RNF213: variants seen among roughly 807,000 people sequenced by gnomAD.
RNF213 encodes E3 ubiquitin-protein ligase RNF213.
A neutral mutation model predicts 514.4 loss-of-function variants in RNF213; 341 were observed. The observed-to-expected ratio is 0.66, with a 90% confidence interval of 0.61 to 0.73. The LOEUF (loss-of-function observed/expected upper bound fraction) is 0.73. Among genes scored for constraint, RNF213 ranks in the 30% least tolerant of loss-of-function variants. The pLI is 0.00. For synonymous variants in RNF213, 2,655 were observed against 2,658.2 expected, an observed-to-expected ratio of 1.00 and a Z score of 0.04; for missense variants, 5,767 against 6,615.6, an observed-to-expected ratio of 0.87 and a Z score of 4.45.
intron 42 of RNF213, among the ~76,000 whole-genome samples, chr17:80,365,699 C>T (rs1435506061): frequency 2.6e-5 from 4 of 152,126 alleles, no homozygotes; most frequent in African/African-American, 4.8e-5. Flanking sequence ...AAGGAAAAGG[C>T]GGAGAGAGGA....
At chr17:80,371,818 AG>A in intron 46 of RNF213, 55 bp from the exon 47 acceptor site, 1 of 881,442 alleles carries the variant, frequency 1.1e-6, no homozygotes, top group Non-Finnish European at 1.9e-6. Context: ...TCTTTTTTTT[AG>A]TAAGGTATGT....
Position 80,351,628 on chromosome 17 carries a change from G to A in RNF213, c.10185-57G>A, listed in dbSNP as rs2078519162. The A allele has an allele frequency of 1.4e-5, 14 of 965,802 alleles. No individual in the cohort carries two copies. The South Asian group carries it at 1.8e-4, about 12-fold the overall frequency. The allele number at this position is 965,802 out of a possible 1,614,324, so 59.8% of individuals were successfully genotyped here. Reference sequence around the variant, plus strand: ...ACAGCTTTGCTTTGTTTATTTGCTTGTTTTTGTGTGTGTGTTTGTTTTTAA... The same window carrying A: ...ACAGCTTTGCTTTGTTTATTTGCTTATTTTTGTGTGTGTGTTTGTTTTTAA... On this transcript the variant is annotated intron_variant, in intron 31 of 67. Transcript: ENST00000582970.
chr17:80,264,648 C>G lies in RNF213; in HGVS notation c.97+870C>G, dbSNP rs1323439957. Among the ~76,000 whole-genome samples, 2 of 152,140 alleles carry G rather than the reference C, an allele frequency of 1.3e-5. No homozygotes were observed. The highest frequency in any genetic ancestry group is 2.9e-5 in the Non-Finnish European group (2 of 68,042). ...CCTCCATGACCCACATGCAGAGGGCCCTGCTGGTCTCCCCGCCTCCACGCT... is the reference window on the plus strand; with the variant it reads ...CCTCCATGACCCACATGCAGAGGGCGCTGCTGGTCTCCCCGCCTCCACGCT... On this transcript the variant is annotated intron_variant, in intron 2 of 67. Transcript: ENST00000582970. The surrounding 1 kb of genome is among the most constrained non-coding windows in gnomAD (Gnocchi z 5.0).
chr17:80,290,645 C>T lies in RNF213; in HGVS notation c.1188C>T (p.Asp396=), dbSNP rs755851533. 53 of 1,614,166 alleles carry T rather than the reference C, an allele frequency of 3.3e-5. No homozygotes were observed. Among genetic ancestry groups the T allele is most frequent in the Non-Finnish European group, 4.2e-5 (50 of 1,180,032 alleles). The change falls in exon 7 of 68, where the codon GAC becomes GAT. Residue 396 remains aspartate, a synonymous_variant. Transcript: ENST00000582970. ...IISLHFPFNP[D]LHKVFIRGGE... is the part of the protein sequence containing the mutation. Reference sequence around the variant, plus strand: ...CTCTTCATTTCCCATTCAATCCTGACCTCCATAAAGTCTTCATCAGAGGAG... The same window carrying T: ...CTCTTCATTTCCCATTCAATCCTGATCTCCATAAAGTCTTCATCAGAGGAG...
rs2046244405 is a variant in RNF213, at chr17:80,325,100, TGATCACTAA to T, written c.3097_3105del (p.Ile1033_Lys1035del). 2.6e-6 allele frequency: 4 copies of T among 1,537,132 alleles called. No homozygotes were observed. The highest frequency in any genetic ancestry group is 2.6e-6 in the Non-Finnish European group (3 of 1,146,920). ...AAATTTGGCATCGTCTTGTCTGCTGTGATCACTAAGTCCTGGCCTAGGACCGCGGACAAC... is the reference window on the plus strand; with the variant it reads ...AAATTTGGCATCGTCTTGTCTGCTGTGTCCTGGCCTAGGACCGCGGACAAC... On this transcript the variant is annotated inframe_deletion, in exon 18 of 68. Coordinates refer to ENST00000582970, the MANE Select transcript of RNF213 (RefSeq NM_001256071.3).
At chr17:80,315,572 A>C (rs1290049506) in intron 15 of RNF213, 1 of 1,038 alleles carries the variant, frequency 9.6e-4, no homozygotes, top group Non-Finnish European at 1.8e-3. Flanking sequence ...TGGTGGAGGT[A>C]ATGGAGGTGA....
intron 3 of RNF213, among the ~76,000 whole-genome samples, chr17:80,276,588 G>A (rs941462422): frequency 2.7e-5 from 4 of 149,154 alleles, no homozygotes; most frequent in African/African-American, 9.9e-5. Context: ...CTCACTGGGT[G>A]ACTGTGAGAT....
At chr17:80,350,527 G>A (rs1329260716) in intron 31 of RNF213, 131 bp downstream of exon 31, 10 of 681,886 alleles carry the variant, frequency 1.5e-5, no homozygotes, top group East Asian at 5.4e-5. Context: ...TTCTTCCCCC[G>A]CCTCATTCCC....
At chr17:80,262,032 T>C (rs946936303) in intron 1 of RNF213, among the ~76,000 whole-genome samples, 1 of 152,018 alleles carries the variant, frequency 6.6e-6, no homozygotes, top group African/African-American at 2.4e-5. Context: ...TTTTGGAGGA[T>C]TTTTCGAGTT....
At chr17:80,316,984 G>T (rs1196370195) in intron 15 of RNF213, among the ~76,000 whole-genome samples, 2 of 152,246 alleles carry the variant, frequency 1.3e-5, no homozygotes, top group Non-Finnish European at 2.9e-5. Flanking sequence ...CCCTGGTTGG[G>T]TCTCTGATTC....
In RNF213 at chr17:80,331,962, T is replaced by C. The variant is rs1379099225; in HGVS notation, c.3518-44T>C. On this transcript the variant is annotated intron_variant, in intron 20 of 67. Coordinates refer to ENST00000582970, the MANE Select transcript of RNF213 (RefSeq NM_001256071.3). The stretch of plus-strand genomic sequence containing the variant: ...AGGAAAGTGAAATAAAATGGAATCA[T>C]GATTAGAGCTTTGACTTCTGACACT... 2.6e-6 allele frequency: 4 copies of C among 1,513,000 alleles called. No homozygotes were observed. The South Asian group carries it at 3.7e-5, about 14-fold the overall frequency. 93.7% of individuals were successfully genotyped at this position (1,513,000 alleles called of 1,614,324 possible). A position where few individuals can be genotyped will look rare whatever the true frequency, so the allele number is the denominator to read the frequency against.
intron 20 of RNF213, among the ~76,000 whole-genome samples, chr17:80,331,276 A>G (rs1238590648): frequency 6.6e-6 from 1 of 151,972 alleles, no homozygotes; most frequent in Non-Finnish European, 1.5e-5. Flanking sequence ...CTAGGACTCC[A>G]TGTTACCAGG....
Position 80,351,775 on chromosome 17 carries a change from A to G in RNF213, c.10275A>G (p.Arg3425=), listed in dbSNP as rs1599091091. The G allele has an allele frequency of 6.2e-7, 1 of 1,606,274 alleles. No individual in the cohort carries two copies. The highest frequency in any genetic ancestry group is 2.2e-5 in the East Asian group (1 of 44,850). Residue 3425 remains arginine, a synonymous_variant, in exon 32 of 68, where the codon AGA becomes AGG. Coordinates refer to ENST00000582970, the MANE Select transcript of RNF213 (RefSeq NM_001256071.3). ...YFITKLSRVG[R]GTAYVGFHGG... ...TCACAAAACTGTCCCGGGTGGGAAG[A>G]GGAACAGCCTATGTGGGCTTCCACG...
chr17:80,307,267 A>G (rs541591604), intron 13 of RNF213, 66 bp downstream of exon 13: 53 of 1,417,340 alleles, frequency 3.7e-5, no homozygotes, highest in South Asian at 2.2e-4. Flanking sequence ...TCTGACCCCT[A>G]TAATTGGCCG....
rs1361789546 is a variant in RNF213 at position 80,345,208 on chromosome 17, C to T, written c.6873C>T (p.Pro2291=). ...GGGTTAGGGAAGAAGATCTAGCGCC[C>T]TTCTCCCTCCGGAAGAGGTGGGAGT... is the stretch of plus-strand genomic sequence containing the variant. The part of the protein sequence containing the change: ...MDGVREEDLA[P]FSLRKRWESE... The change falls in exon 29 of 68, where the codon CCC becomes CCT. Residue 2291 remains proline (P), a synonymous_variant. Coordinates refer to ENST00000582970, the MANE Select transcript of RNF213 (RefSeq NM_001256071.3). The surrounding 1 kb of genome is among the most constrained non-coding windows in gnomAD (Gnocchi z 6.0). 6.8e-6 allele frequency: 11 copies of T among 1,614,058 alleles called. No homozygotes were observed. The highest frequency in any genetic ancestry group is 1.3e-5 in the African/African-American group (1 of 74,924).
chr17:80,315,788 TGG>T (rs2045912356), intron 15 of RNF213: 1 of 21,818 alleles, frequency 4.6e-5, no homozygotes. Context: ...GTGGTGGTGG[TGG>T]TGGTGGTGGT....
intron 17 of RNF213, among the ~76,000 whole-genome samples, chr17:80,322,841 A>G (rs1399526141): frequency 2.0e-5 from 3 of 152,006 alleles, no homozygotes; most frequent in African/African-American, 7.3e-5. Flanking sequence ...TTGTTTTTTC[A>G]CATTCTTATT....
At chr17:80,356,760 T>C (rs2078840946) in intron 36 of RNF213, among the ~76,000 whole-genome samples, 1 of 152,252 alleles carries the variant, frequency 6.6e-6, no homozygotes, top group Non-Finnish European at 1.5e-5. Flanking sequence ...CCTAGTTTGC[T>C]GTTTTCTCCC....
At chr17:80,307,694 C>T (rs1393486038) in intron 13 of RNF213, among the ~76,000 whole-genome samples, 2 of 151,962 alleles carry the variant, frequency 1.3e-5, no homozygotes, top group Non-Finnish European at 2.9e-5. Flanking sequence ...GGATTACAGG[C>T]GCATGCCACC....
Sources: gnomAD v4.1 joint callset for allele counts (sites outside exome capture counted in the v4.1 genomes callset) on GRCh38, gnomAD v4.1.1 for gene constraint, Gnocchi (gnomAD v3.1) non-coding constraint, MANE v1.5 for transcripts, NCBI Gene and HGNC (gene_info 2026-07-23, HGNC 2026-07-21) for gene names.